Variants in SSBP2 observed in about 807,000 individuals in gnomAD.
SSBP2 encodes single stranded DNA binding protein 2, also known as single-stranded DNA-binding protein 2.
In SSBP2, 17 loss-of-function variants were observed where a neutral mutation model predicts 61.8. The ratio of observed to expected loss-of-function variants is 0.28; its 90% CI spans 0.19 to 0.41. SSBP2 has a LOEUF of 0.41. Among genes scored for constraint, SSBP2 ranks in the 10% least tolerant of loss-of-function variants. The pLI is 1.00. For synonymous variants in SSBP2, 139 were observed against 141.3 expected, an observed-to-expected ratio of 0.98 and a Z score of 0.12; for missense variants, 310 against 458.7, an observed-to-expected ratio of 0.68 and a Z score of 2.96.
intron 4 of SSBP2, among the ~76,000 whole-genome samples, chr5:81,518,138 G>A (rs915098743): frequency 1.3e-5 from 2 of 152,066 alleles, no homozygotes; most frequent in Non-Finnish European, 1.5e-5. Flanking sequence ...AATTTCATGT[G>A]TATGAAAAGT....
At chr5:81,537,805 C>T (rs1770928372) in intron 4 of SSBP2, among the ~76,000 whole-genome samples, 1 of 152,080 alleles carries the variant, frequency 6.6e-6, no homozygotes, top group African/African-American at 2.4e-5. Flanking sequence ...CCATCTCTGT[C>T]CCTCTCCTCA....
At chr5:81,651,209 T>C (rs565780616) in intron 1 of SSBP2, among the ~76,000 whole-genome samples, 1 of 152,254 alleles carries the variant, frequency 6.6e-6, no homozygotes, top group South Asian at 2.1e-4. Flanking sequence ...TCTGCTACAC[T>C]ATATTTACCA....
At chr5:81,568,241 A>G (rs1031811932) in intron 4 of SSBP2, among the ~76,000 whole-genome samples, 3 of 152,104 alleles carry the variant, frequency 2.0e-5, no homozygotes, top group African/African-American at 7.2e-5. Flanking sequence ...GTGGGAGATA[A>G]TTGAATCATA....
chr5:81,435,347 C>T (rs1762608239), intron 15 of SSBP2, among the ~76,000 whole-genome samples: 1 of 152,188 alleles, frequency 6.6e-6, no homozygotes, highest in African/African-American at 2.4e-5. Context: ...GAAGGAACTC[C>T]TGCCTAAGAA....
intron 3 of SSBP2, among the ~76,000 whole-genome samples, chr5:81,635,931 G>GCT (rs1748184252): frequency 6.6e-6 from 1 of 152,144 alleles, no homozygotes; most frequent in Admixed American, 6.5e-5. Flanking sequence ...ACCAAGCCCT[G>GCT]CTCTCTCCCA....
chr5:81,645,671 G>A (rs536692961), intron 2 of SSBP2, among the ~76,000 whole-genome samples: 1 of 152,222 alleles, frequency 6.6e-6, no homozygotes, highest in Admixed American at 6.5e-5. Context: ...ATGTAGAATT[G>A]GAAAGAAGAT....
At chr5:81,549,696 A>C (rs960955462) in intron 4 of SSBP2, among the ~76,000 whole-genome samples, 1 of 152,208 alleles carries the variant, frequency 6.6e-6, no homozygotes, top group Non-Finnish European at 1.5e-5. Flanking sequence ...TTATGACCGT[A>C]ATTTTACTGA....
intron 1 of SSBP2, among the ~76,000 whole-genome samples, chr5:81,663,806 G>C (rs1361123992): frequency 2.6e-5 from 4 of 152,124 alleles, no homozygotes; most frequent in Non-Finnish European, 4.4e-5. Flanking sequence ...AAACTGAAAA[G>C]TAGCCATTTA....
chr5:81,473,304 T>C lies in SSBP2; in HGVS notation c.570+396A>G, dbSNP rs540957332. Among the ~76,000 whole-genome samples the C allele has an allele frequency of 1.1e-4, 17 of 152,328 alleles. No individual in the cohort carries two copies. In the South Asian group the frequency reaches 2.9e-3, roughly 26 times the overall value. On this transcript the variant is annotated intron_variant, in intron 8 of 16. Coordinates refer to ENST00000320672, the MANE Select transcript of SSBP2 (RefSeq NM_012446.5). ...GTGCAGAACGTGTAGGTTTGTTACA[T>C]AGGTATATGTACGCCATGGTAGTTT...
rs1314410919 is a variant in SSBP2 at position 81,419,258 on chromosome 5, T to C, written c.*1246A>G. 6.6e-6 allele frequency: 1 copy of C among 152,212 alleles called. No individual in the cohort carries two copies. The highest frequency in any genetic ancestry group is 1.5e-5 in the Non-Finnish European group (1 of 68,042). The allele number at this position is 152,212 out of a possible 1,614,324, so 9.4% of individuals were successfully genotyped here. Reference sequence around the variant, plus strand: ...AGCAAAGTTACTATCAATGATTTGCTCCTGAATAAAAGCCTTATATTCCAG... The same window carrying C: ...AGCAAAGTTACTATCAATGATTTGCCCCTGAATAAAAGCCTTATATTCCAG... On this transcript the variant is annotated 3_prime_UTR_variant, in exon 17 of 17. Transcript: ENST00000320672.
At chr5:81,483,297 A>C (rs1309080348) in intron 6 of SSBP2, among the ~76,000 whole-genome samples, 1 of 152,174 alleles carries the variant, frequency 6.6e-6, no homozygotes, top group Non-Finnish European at 1.5e-5. Context: ...ATAAAACTTT[A>C]ATTTGTAAAA....
intron 4 of SSBP2, among the ~76,000 whole-genome samples, chr5:81,519,353 T>A (rs1184249262): frequency 6.6e-6 from 1 of 152,166 alleles, no homozygotes; most frequent in African/African-American, 2.4e-5. Context: ...GTTTTATCCA[T>A]ATATACACTA....
chr5:81,451,681 C>A (rs569879272), intron 10 of SSBP2, among the ~76,000 whole-genome samples: 15 of 152,360 alleles, frequency 9.8e-5, no homozygotes, highest in Admixed American at 5.9e-4. Context: ...CCCGCCTTGG[C>A]CTCCCAAAGT....
At chr5:81,726,911 A>T (rs1406746414) in intron 1 of SSBP2, among the ~76,000 whole-genome samples, 5 of 152,254 alleles carry the variant, frequency 3.3e-5, no homozygotes, top group Non-Finnish European at 7.3e-5. Context: ...TGACTTCAGC[A>T]CATACCTTTT....
intron 4 of SSBP2, among the ~76,000 whole-genome samples, chr5:81,529,757 G>A (rs1770254274): frequency 6.6e-6 from 1 of 152,090 alleles, no homozygotes; most frequent in African/African-American, 2.4e-5. Context: ...AAAGGAAACT[G>A]TTCTCTTCTG....
intron 4 of SSBP2, among the ~76,000 whole-genome samples, chr5:81,557,551 T>C (rs116497462): frequency 0.046 from 6,977 of 152,218 alleles, 227 homozygotes; most frequent in Non-Finnish European, 0.068. Context: ...TAAGGCTTTT[T>C]CCCCTTCACT....
At chr5:81,529,318 T>C (rs1294378210) in intron 4 of SSBP2, among the ~76,000 whole-genome samples, 2 of 152,084 alleles carry the variant, frequency 1.3e-5, no homozygotes, top group Admixed American at 6.6e-5. Flanking sequence ...GGAGGTGAAG[T>C]TATCATAAGT....
At chr5:81,554,263 C>T (rs149355146) in intron 4 of SSBP2, among the ~76,000 whole-genome samples, 2,110 of 152,012 alleles carry the variant, frequency 0.014, 30 homozygotes, top group South Asian at 0.077. Context: ...TCTACCACTT[C>T]TCCTTAAAAA....
At chr5:81,453,606 G>A (rs1763931296) in intron 10 of SSBP2, among the ~76,000 whole-genome samples, 2 of 151,830 alleles carry the variant, frequency 1.3e-5, no homozygotes, top group South Asian at 4.1e-4. Flanking sequence ...ACAGGCGCCC[G>A]CCACCTCGCC....
Sources: allele counts gnomAD v4.1 joint callset (sites outside exome capture counted in the v4.1 genomes callset), GRCh38; gene constraint gnomAD v4.1.1; transcripts MANE v1.5; gene names NCBI Gene and HGNC (gene_info 2026-07-23, HGNC 2026-07-21).